Variants in PPIG observed in about 807,000 individuals in gnomAD.
PPIG encodes peptidylprolyl isomerase G.
A neutral mutation model predicts 87.9 loss-of-function variants in PPIG; 26 were observed. The observed-to-expected ratio is 0.30, with a 90% CI of 0.22 to 0.41. The LOEUF (loss-of-function observed/expected upper bound fraction) is 0.41. PPIG is among the 10% of genes least tolerant of loss of function. The pLI is 1.00. For missense variants in PPIG, 722 were observed against 879.4 expected (o/e 0.82, Z 2.26); for synonymous variants, 308 against 276.5 (o/e 1.11, Z -1.13).
At chr2:169,590,849 T>A (rs1212264769) in intron 1 of PPIG, among the ~76,000 whole-genome samples, 1 of 151,654 alleles carries the variant, frequency 6.6e-6, no homozygotes, top group Non-Finnish European at 1.5e-5. Context: ...ACAAAAAAAT[T>A]TTTAAAAATT....
Position 169,636,875 on chromosome 2 carries a change from T to C in PPIG, c.1617T>C (p.Asp539=), listed in dbSNP as rs1441019215. 2.5e-6 allele frequency: 4 copies of C among 1,613,648 alleles called. No homozygotes were observed. Among genetic ancestry groups the C allele is most frequent in the Non-Finnish European group, 2.5e-6 (3 of 1,179,922 alleles). The stretch of plus-strand genomic sequence containing the variant: ...ATCACAGTAAAAGTAAGGAAAAGGA[T>C]AGACGCGCACAATCCAGGAGTAGAG... ...EHDHSKSKEK[D]RRAQSRSREC... is the part of the protein sequence containing the mutation. The change falls in exon 14 of 14, where the codon GAT becomes GAC. Residue 539 remains aspartate (D), a synonymous_variant. Transcript: ENST00000260970.
intron 1 of PPIG, among the ~76,000 whole-genome samples, chr2:169,588,997 C>G (rs1404776060): frequency 1.4e-5 from 2 of 145,396 alleles, no homozygotes; most frequent in Non-Finnish European, 3.0e-5. Flanking sequence ...TAGATAATTG[C>G]AAGTACAACA....
intron 1 of PPIG, among the ~76,000 whole-genome samples, chr2:169,594,566 T>G (rs1684965869): frequency 6.6e-6 from 1 of 151,978 alleles, no homozygotes; most frequent in African/African-American, 2.4e-5. Flanking sequence ...CTGGTATGAC[T>G]ATTTTGTCAT....
chr2:169,641,194 A>C lies in PPIG; in HGVS notation c.*3671A>C, dbSNP rs1436908978. ...GTTAATGCACTTCTTTTCCTAGCCCAAAAGTCACTGTGATTATATTTTTTT... is the reference window on the plus strand; with the variant it reads ...GTTAATGCACTTCTTTTCCTAGCCCCAAAGTCACTGTGATTATATTTTTTT... On this transcript the variant is annotated 3_prime_UTR_variant, in exon 14 of 14. Transcript: ENST00000260970. The C allele has an allele frequency of 6.6e-6, 1 of 152,312 alleles. No homozygotes were observed. Among genetic ancestry groups the C allele is most frequent in the African/African-American group, 2.4e-5 (1 of 41,570 alleles). 9.4% of individuals were successfully genotyped at this position (152,312 alleles called of 1,614,324 possible).
chr2:169,599,183 C>G (rs984952864), intron 1 of PPIG, among the ~76,000 whole-genome samples: 2 of 152,002 alleles, frequency 1.3e-5, no homozygotes, highest in African/African-American at 4.8e-5. Context: ...CCAGCAGCAA[C>G]AATAAATGAG....
intron 13 of PPIG, 75 bp from the exon 14 acceptor site, chr2:169,636,338 A>T: frequency 6.8e-7 from 1 of 1,464,754 alleles, no homozygotes; most frequent in Non-Finnish European, 9.1e-7. Context: ...AGAAAAGTAG[A>T]ATATCATTTT....
intron 2 of PPIG, 102 bp downstream of exon 2, chr2:169,603,796 A>C (rs1685249689): frequency 1.9e-6 from 1 of 513,582 alleles, no homozygotes; most frequent in Admixed American, 3.4e-5. Flanking sequence ...TTGATTACAT[A>C]ATAATGGTTA....
At chr2:169,613,764 A>G (rs1017089062) in intron 7 of PPIG, among the ~76,000 whole-genome samples, 3 of 152,114 alleles carry the variant, frequency 2.0e-5, no homozygotes, top group African/African-American at 7.2e-5. Context: ...TGTCTCTACA[A>G]AAAATACAAA....
At chr2:169,606,638 T>C (rs1346001967) in intron 5 of PPIG, among the ~76,000 whole-genome samples, 1 of 143,794 alleles carries the variant, frequency 7.0e-6, no homozygotes, top group East Asian at 2.1e-4. Flanking sequence ...TAATTTTGCC[T>C]TTGACACATG....
chr2:169,585,050 TG>T (rs1684660332), intron 1 of PPIG, among the ~76,000 whole-genome samples: 1 of 152,100 alleles, frequency 6.6e-6, no homozygotes, highest in Non-Finnish European at 1.5e-5. Context: ...CACAGCACAG[TG>T]GCTGTCGTGC....
intron 1 of PPIG, among the ~76,000 whole-genome samples, chr2:169,596,773 C>T (rs1372403581): frequency 1.3e-5 from 2 of 152,112 alleles, no homozygotes; most frequent in Non-Finnish European, 2.9e-5. Context: ...AATCTCAGCT[C>T]ACTGCAACCT....
At position 169,630,887 on chromosome 2, in the gene PPIG, A is replaced by G. The variant is rs1686029508; in HGVS notation, c.661A>G (p.Ser221Gly). Residue 221 changes from serine to glycine, a missense_variant, in exon 10 of 14, where the codon AGT becomes GGT. Transcript: ENST00000260970. Reference protein sequence around the residue: ...QSSSDSSDSESATEEKSKKRK... With the variant: ...QSSSDSSDSEGATEEKSKKRK... ...CTCTTCTGATTCCTCTGATTCCGAA[A>G]GTGCTACTGAAGAGAAATCAAAGAA... 1 of 1,612,162 alleles carries G rather than the reference A, an allele frequency of 6.2e-7. No homozygotes were observed. Among genetic ancestry groups the G allele is most frequent in the South Asian group, 1.1e-5 (1 of 90,286 alleles).
At chr2:169,625,136 A>G (rs1574460201) in intron 9 of PPIG, among the ~76,000 whole-genome samples, 1 of 152,220 alleles carries the variant, frequency 6.6e-6, no homozygotes, top group African/African-American at 2.4e-5. Context: ...GAAATGTACA[A>G]TACATTATTA....
chr2:169,611,131 A>C (rs749515297), intron 7 of PPIG, among the ~76,000 whole-genome samples: 1 of 152,220 alleles, frequency 6.6e-6, no homozygotes. Flanking sequence ...TGGAGGTTGC[A>C]GTGAGCCAGG....
intron 1 of PPIG, among the ~76,000 whole-genome samples, chr2:169,594,098 GC>G (rs1684947018): frequency 6.6e-6 from 1 of 152,078 alleles, no homozygotes; most frequent in Non-Finnish European, 1.5e-5. Flanking sequence ...AAGAGCACCA[GC>G]GTAGCCAACT....
chr2:169,591,510 A>AT (rs1353714534), intron 1 of PPIG, among the ~76,000 whole-genome samples: 1 of 152,104 alleles, frequency 6.6e-6, no homozygotes, highest in Non-Finnish European at 1.5e-5. Context: ...TGTATGATTA[A>AT]TTTTTTTCAG....
chr2:169,629,404 G>T (rs535227549), intron 9 of PPIG, among the ~76,000 whole-genome samples: 1 of 152,248 alleles, frequency 6.6e-6, no homozygotes, highest in South Asian at 2.1e-4. Flanking sequence ...GATTGTAATT[G>T]TTTCATTAAT....
intron 1 of PPIG, among the ~76,000 whole-genome samples, chr2:169,590,486 C>G (rs1684835916): frequency 6.6e-6 from 1 of 151,762 alleles, no homozygotes; most frequent in South Asian, 2.1e-4. Context: ...TAAAAAAATA[C>G]AAAAAATTAG....
At chr2:169,608,633 A>T (rs1685400899) in intron 6 of PPIG, 38 bp from the exon 7 acceptor site, 3 of 1,415,500 alleles carry the variant, frequency 2.1e-6, no homozygotes, top group Admixed American at 1.7e-5. Context: ...TTTGGAGGTT[A>T]TATCTATAAT....
Sources: allele counts gnomAD v4.1 joint callset (sites outside exome capture counted in the v4.1 genomes callset), GRCh38; gene constraint gnomAD v4.1.1; transcripts MANE v1.5; gene names NCBI Gene and HGNC (gene_info 2026-07-23, HGNC 2026-07-21).